CCDC47: variants seen among roughly 807,000 people sequenced by gnomAD.
The protein encoded by CCDC47 is PAT complex subunit CCDC47.
A neutral mutation model predicts 60.5 loss-of-function variants in CCDC47; 41 were observed. That is an observed-to-expected ratio of 0.68 (90% CI 0.53 to 0.88). The LOEUF is 0.88. CCDC47 is among the 40% of genes least tolerant of loss of function. The probability of loss-of-function intolerance (pLI) is 0.00; values close to 1 mark genes in which losing one functional copy is unlikely to be tolerated. For synonymous variants in CCDC47, 195 were observed against 190.7 expected (o/e 1.02, Z -0.18); for missense variants, 513 against 580.9 (o/e 0.88, Z 1.20).
chr17:63,761,553 C>A (rs1039436346), intron 4 of CCDC47: 2 of 383,348 alleles, frequency 5.2e-6, no homozygotes, highest in South Asian at 7.7e-5. Context: ...AAAAATTAGC[C>A]GGGCATGGTG....
Position 63,752,388 on chromosome 17 carries a change from G to A in CCDC47, c.1135C>T (p.Leu379=). The change falls in exon 11 of 13, where the codon CTG becomes TTG. Residue 379 remains leucine (L), a synonymous_variant. Coordinates refer to ENST00000225726, the MANE Select transcript of CCDC47 (RefSeq NM_020198.3). ...GNTYPKDMEA[L]LPLMNMVIYS... ...ATCACCATGTTCATCAGGGGTAGCAGTGCCTCCATATCCTTTGGGTAAGTG... is the reference window on the plus strand; with the variant it reads ...ATCACCATGTTCATCAGGGGTAGCAATGCCTCCATATCCTTTGGGTAAGTG... 11 of 1,613,910 alleles carry A rather than the reference G, an allele frequency of 6.8e-6. No homozygotes were observed. The highest frequency in any genetic ancestry group is 7.6e-6 in the Non-Finnish European group (9 of 1,179,902).
intron 4 of CCDC47, chr17:63,761,921 G>T: frequency 1.4e-6 from 1 of 691,176 alleles, no homozygotes; most frequent in South Asian, 6.5e-5. Flanking sequence ...TCAGCTTAGA[G>T]TATAAGTCTC....
intron 6 of CCDC47, among the ~76,000 whole-genome samples, chr17:63,759,188 C>A (rs1238529538): frequency 1.3e-5 from 2 of 151,690 alleles, no homozygotes; most frequent in Admixed American, 1.3e-4. Context: ...AAAATGAGAT[C>A]TTTAAAATAT....
chr17:63,755,191 C>T (rs2039196319), intron 8 of CCDC47: 1 of 537,816 alleles, frequency 1.9e-6, no homozygotes, highest in Admixed American at 6.4e-5. Context: ...AGTCCTGAAT[C>T]CCTGGACTCA....
Position 63,746,923 on chromosome 17 carries a change from C to A in CCDC47, c.1410G>T (p.Lys470Asn). ...ALRREQKKLEKKQMKMKQIKV... is the reference protein window; with the variant it reads ...ALRREQKKLENKQMKMKQIKV... ...TGATTTGTTTCATTTTCATTTGCTT[C>A]TTTTCCAACTTCTTTTGCTCACGCC... Residue 470 changes from lysine (K) to asparagine (N), a missense_variant, in exon 13 of 13, where the codon AAG (lysine) becomes AAT (asparagine). Physicochemically the swap from Lys to Asn is moderately conservative, Grantham distance 94. Coordinates refer to ENST00000225726, the MANE Select transcript of CCDC47 (RefSeq NM_020198.3). 6.2e-7 allele frequency: 1 copy of A among 1,613,706 alleles called. No individual in the cohort carries two copies. The highest frequency in any genetic ancestry group is 8.5e-7 in the Non-Finnish European group (1 of 1,179,806).
intron 6 of CCDC47, among the ~76,000 whole-genome samples, chr17:63,758,946 CAGG>C (rs2039228457): frequency 6.8e-6 from 1 of 147,746 alleles, no homozygotes; most frequent in Non-Finnish European, 1.5e-5. Flanking sequence ...TTTCTCTTAG[CAGG>C]AGGAGAGAGA....
rs58944348 is a variant in CCDC47, at chr17:63,771,045, G to GAAGA, written c.-20+2363_-20+2366dup. ...GGAAGGAAGGAAGGAAGGAAGGAAG[G>GAAGA]AAGAAAGAAAGAAAGAAATTAAATG... is the stretch of plus-strand genomic sequence containing the variant. On this transcript the variant is annotated intron_variant, in intron 1 of 12. Transcript: ENST00000225726. Among the ~76,000 whole-genome samples, 471 of 97,798 alleles carry GAAGA rather than the reference G, an allele frequency of 4.8e-3. 9 individuals are homozygous for GAAGA. The highest frequency in any genetic ancestry group is 0.018 in the African/African-American group (435 of 24,214). The allele number at this position is 97,798 out of a possible 152,430, so 64.2% of individuals were successfully genotyped here.
At chr17:63,760,062 C>CAAAAAAAAAAAAAAAAA (rs10643408) in intron 6 of CCDC47, among the ~76,000 whole-genome samples, 2 of 98,420 alleles carry the variant, frequency 2.0e-5, no homozygotes, top group East Asian at 2.9e-4. Context: ...GACTCCGTCT[C>CAAAAAAAAAAAAAAAAA]AAAAAAAAAA....
At chr17:63,760,597 G>C (rs2039250948) in intron 6 of CCDC47, among the ~76,000 whole-genome samples, 1 of 152,174 alleles carries the variant, frequency 6.6e-6, no homozygotes, top group African/African-American at 2.4e-5. Flanking sequence ...CCAGCACTTT[G>C]GGAGGCCAGA....
intron 5 of CCDC47, 28 bp downstream of exon 5, chr17:63,761,202 T>C (rs760084585): frequency 1.4e-5 from 22 of 1,613,642 alleles, no homozygotes; most frequent in African/African-American, 9.3e-5. Context: ...AGGGAAGATA[T>C]ATATCGTACA....
intron 9 of CCDC47, 179 bp from the exon 10 acceptor site, chr17:63,752,978 A>G (rs1314535021): frequency 1.1e-6 from 1 of 913,580 alleles, no homozygotes; most frequent in South Asian, 5.0e-5. Flanking sequence ...CCACTCGTCT[A>G]TCTGATGGAT....
At chr17:63,752,170 G>C in intron 11 of CCDC47, 63 bp from the exon 12 acceptor site, 4 of 1,571,802 alleles carry the variant, frequency 2.5e-6, no homozygotes, top group Non-Finnish European at 3.5e-6. Flanking sequence ...ACAAAATCCC[G>C]TTTAGCATTC....
rs2039295582 is a variant in CCDC47 at position 63,766,056 on chromosome 17, A to C, written c.120T>G (p.Ala40=). 2 of 1,614,006 alleles carry C rather than the reference A, an allele frequency of 1.2e-6. No individual in the cohort carries two copies. The highest frequency in any genetic ancestry group is 2.2e-5 in the South Asian group (2 of 91,090). The part of the protein sequence containing the change: ...DIVEYDDNDF[A]EFEDVMEDSV... ...AGTCTTCCATGACATCCTCAAATTC[A>C]GCGAAGTCATTATCATCATACTCTA... Residue 40 remains alanine (A), a synonymous_variant, in exon 2 of 13, where the codon GCT becomes GCG. Transcript: ENST00000225726.
chr17:63,749,811 TG>T (rs1487903508), intron 12 of CCDC47, among the ~76,000 whole-genome samples: 1 of 150,726 alleles, frequency 6.6e-6, no homozygotes, highest in Non-Finnish European at 1.5e-5. Context: ...GCTCTCTGGC[TG>T]GGCACAGTGG....
Position 63,752,063 on chromosome 17 carries a change from G to A in CCDC47, c.1248C>T (p.Asn416=), listed in dbSNP as rs369082338. ...ADKNRARVEE[N]FLKLTHVQRQ... ...TTTGCACATGTGTCAGTTTCAAGAA[G>A]TTCTCTTCTACTCGGGCACGGTTCT... The change falls in exon 12 of 13, where the codon AAC becomes AAT. Residue 416 remains asparagine, a synonymous_variant. Transcript: ENST00000225726. 140 of 1,613,342 alleles carry A rather than the reference G, an allele frequency of 8.7e-5. No individual in the cohort carries two copies. Among genetic ancestry groups the A allele is most frequent in the Non-Finnish European group, 1.1e-4 (135 of 1,179,984 alleles).
At position 63,761,158 on chromosome 17, in the gene CCDC47, T is replaced by C. The variant is rs929520944; in HGVS notation, c.669+72A>G. 2.6e-5 allele frequency: 41 copies of C among 1,579,708 alleles called. No homozygotes were observed. In the African/African-American group the frequency reaches 3.0e-4, roughly 11 times the overall value. ...AAACATGAAGGGATAAGATGCTGAA[T>C]TGGGGGGCTGGGAATCACAACTGGA... On this transcript the variant is annotated intron_variant, in intron 5 of 12. Transcript: ENST00000225726.
At position 63,751,867 on chromosome 17, in the gene CCDC47, C is replaced by T. The variant is rs190549142; in HGVS notation, c.1371+73G>A. On this transcript the variant is annotated intron_variant, in intron 12 of 12. Transcript: ENST00000225726. ...TAAACTTTTAGCCTACAAAGATTAC[C>T]TTAACAACCAACAGAACACAAGCAG... 64 of 1,547,482 alleles carry T rather than the reference C, an allele frequency of 4.1e-5. No homozygotes were observed. In the East Asian group the frequency reaches 8.8e-4, roughly 21 times the overall value.
At chr17:63,753,341 A>C in intron 9 of CCDC47, 1 of 340,588 alleles carries the variant, frequency 2.9e-6, no homozygotes, top group Non-Finnish European at 4.2e-6. Context: ...TCTCATATTT[A>C]AAAGGCATGA....
intron 4 of CCDC47, chr17:63,762,343 A>G (rs2039267378): frequency 3.1e-6 from 2 of 646,090 alleles, no homozygotes; most frequent in Non-Finnish European, 3.8e-6. Context: ...ACTATGGTAT[A>G]GTGGAGACGG....
Sources: gnomAD v4.1 joint callset for allele counts (sites outside exome capture counted in the v4.1 genomes callset) on GRCh38, gnomAD v4.1.1 for gene constraint, MANE v1.5 for transcripts, NCBI Gene and HGNC (gene_info 2026-07-23, HGNC 2026-07-21) for gene names.